CDAN1: variants seen among roughly 807,000 people sequenced by gnomAD.
The protein encoded by CDAN1 is codanin-1.
A neutral mutation model predicts 139.8 loss-of-function variants in CDAN1; 107 were observed. The observed-to-expected ratio is 0.77, with a 90% confidence interval of 0.65 to 0.90. CDAN1 has a LOEUF of 0.90. CDAN1 is among the 40% of genes least tolerant of loss of function. CDAN1 has a pLI of 0.00. For synonymous variants in CDAN1, 776 were observed against 660.6 expected, an observed-to-expected ratio of 1.17 and a Z score of -2.68; for missense variants, 1,667 against 1,575.7, an observed-to-expected ratio of 1.06 and a Z score of -0.98.
In CDAN1 at chr15:42,724,553, G is replaced by A. The variant is rs755434169; in HGVS notation, c.3622C>T (p.Pro1208Ser). Reference protein sequence around the residue: ...LFLAEPHLPEPQLRACELVQP... With the variant: ...LFLAEPHLPESQLRACELVQP... ...ACCAACTCACAGGCTCTTAGCTGGG[G>A]TTCTGGCAGGTGGGGCTCGGCTAGA... Residue 1208 changes from proline to serine, a missense_variant, in exon 28 of 28, where the codon CCC (proline) becomes TCC (serine). By Grantham distance (74) the Pro-to-Ser change is moderately conservative. Transcript: ENST00000356231. The A allele has an allele frequency of 1.2e-5, 18 of 1,558,566 alleles. No homozygotes were observed. The South Asian group carries it at 2.0e-4, about 17-fold the overall frequency.
intron 11 of CDAN1, 80 bp downstream of exon 11, chr15:42,731,540 T>C (rs1191230948): frequency 6.6e-7 from 1 of 1,507,074 alleles, no homozygotes; most frequent in Non-Finnish European, 9.2e-7. Context: ...CAAAGGAGAC[T>C]GGAGAACTAT....
chr15:42,725,785 C>A, intron 25 of CDAN1, 115 bp from the exon 26 acceptor site: 1 of 1,065,462 alleles, frequency 9.4e-7, no homozygotes, highest in Non-Finnish European at 1.4e-6. Flanking sequence ...GGGTTCGAGA[C>A]CAGTCTGGCC....
At position 42,736,496 on chromosome 15, in the gene CDAN1, C is replaced by T. The variant is rs1448409048; in HGVS notation, c.375G>A (p.Pro125=). 9.2e-6 allele frequency: 13 copies of T among 1,418,960 alleles called. No homozygotes were observed. Among genetic ancestry groups the T allele is most frequent in the African/African-American group, 9.1e-5 (6 of 66,016 alleles). 87.9% of individuals were successfully genotyped at this position (1,418,960 alleles called of 1,614,324 possible). ...GGCCTCCACGCTCGCGGGCCGGCCC[C>T]GGGCCCCGCCTCCTGCCCCCGCGGC... ...LARRGGRRRG[P]GPARERGGRG... The change falls in exon 2 of 28, where the codon CCG becomes CCA. Residue 125 remains proline (P), a synonymous_variant. Transcript: ENST00000356231.
chr15:42,731,047 C>T lies in CDAN1; in HGVS notation c.1885G>A (p.Val629Met). ...GCCAAAAGTCTCAGGCTAAGAAGCA[C>T]CACAGCAAATTGCTTCCGCTCACCC... is the stretch of plus-strand genomic sequence containing the variant. ...WQGERKQFAVVLLSLRLLAKF... is the reference protein window; with the variant it reads ...WQGERKQFAVMLLSLRLLAKF... Residue 629 changes from valine to methionine, a missense_variant, in exon 13 of 28, where the codon GTG becomes ATG. This residue lies in a region of CDAN1 where 936 missense variants were observed against 844.1 expected (regional missense o/e 1.11). Coordinates refer to ENST00000356231, the MANE Select transcript of CDAN1 (RefSeq NM_138477.4). 6.2e-7 allele frequency: 1 copy of T among 1,614,202 alleles called. No individual in the cohort carries two copies. The highest frequency in any genetic ancestry group is 8.5e-7 in the Non-Finnish European group (1 of 1,180,030).
intron 26 of CDAN1, 76 bp downstream of exon 26, chr15:42,725,413 C>T: frequency 6.4e-7 from 1 of 1,565,154 alleles, no homozygotes; most frequent in South Asian, 1.1e-5. Flanking sequence ...GGATGCAGAG[C>T]AGCTCATAGT....
At chr15:42,725,781 G>A (rs371457268) in intron 25 of CDAN1, 111 bp from the exon 26 acceptor site, 25 of 1,135,544 alleles carry the variant, frequency 2.2e-5, no homozygotes, top group East Asian at 2.0e-4. Context: ...TCAGGGGTTC[G>A]AGACCAGTCT....
intron 23 of CDAN1, chr15:42,727,207 A>T (rs183464041): frequency 6.0e-6 from 1 of 167,498 alleles, no homozygotes; most frequent in Admixed American, 6.1e-5. Flanking sequence ...AGTTAGGAGA[A>T]CTGATGGTTT....
intron 14 of CDAN1, among the ~76,000 whole-genome samples, 169 bp from the exon 15 acceptor site, chr15:42,730,384 C>T (rs978640410): frequency 1.3e-5 from 2 of 152,210 alleles, no homozygotes; most frequent in Admixed American, 6.5e-5. Flanking sequence ...TGTCTCTCAG[C>T]GGGGCCACCT....
chr15:42,729,039 A>G lies in CDAN1; in HGVS notation c.2629T>C (p.Cys877Arg), dbSNP rs1416095067. The change falls in exon 19 of 28, where the codon TGT (cysteine) becomes CGT (arginine). Residue 877 changes from cysteine (C) to arginine (R), a missense_variant. By Grantham distance (180) the Cys-to-Arg change is radical (BLOSUM62 -3). Around this residue, in one of 3 missense-constraint regions of CDAN1, gnomAD observed 936 missense variants for 844.1 expected, o/e 1.11. Transcript: ENST00000356231. The part of the protein sequence containing the change: ...EFVAERIGSN[C>R]VKHIKATLVA... The stretch of plus-strand genomic sequence containing the variant: ...CACTCTTACTTGATATGTTTGACAC[A>G]GTTTGATCCAATTCTTTCTGCCACG... The G allele has an allele frequency of 6.2e-7, 1 of 1,614,050 alleles. No homozygotes were observed. Among genetic ancestry groups the G allele is most frequent in the African/African-American group, 1.3e-5 (1 of 74,930 alleles).
chr15:42,726,107 A>G lies in CDAN1; in HGVS notation c.3258T>C (p.Ala1086=). The change falls in exon 25 of 28, where the codon GCT becomes GCC. Residue 1086 remains alanine (A), a synonymous_variant. Coordinates refer to ENST00000356231, the MANE Select transcript of CDAN1 (RefSeq NM_138477.4). ...GGAAAGCAACCATACCGAGGAGGGA[A>G]GCTAACTCCACAGAGCACTTTGCCA... ...QHLAKCSVEL[A]SLLVADQIPI... 6.2e-7 allele frequency: 1 copy of G among 1,613,966 alleles called. No homozygotes were observed. The highest frequency in any genetic ancestry group is 2.2e-5 in the East Asian group (1 of 44,876).
At chr15:42,729,704 G>A (rs945367668) in intron 16 of CDAN1, 82 bp from the exon 17 acceptor site, 38 of 1,592,592 alleles carry the variant, frequency 2.4e-5, no homozygotes, top group Non-Finnish European at 2.8e-5. Flanking sequence ...GCCTTTACAA[G>A]GGTTACATCT....
chr15:42,728,111 C>T, intron 21 of CDAN1, 78 bp from the exon 22 acceptor site: 2 of 1,583,172 alleles, frequency 1.3e-6, no homozygotes, highest in Non-Finnish European at 1.7e-6. Flanking sequence ...AGCACTGACC[C>T]CGCCCCCACA....
In CDAN1 at chr15:42,724,321, AG is replaced by A. The variant is rs1473396061; in HGVS notation, c.*169del. ...AAATCAGGCCAACTCTCCTTCCTCT[AG>A]GATTCGCGTGGTGGGATGCCAGGCA... is the stretch of plus-strand genomic sequence containing the variant. On this transcript the variant is annotated 3_prime_UTR_variant, in exon 28 of 28. Transcript: ENST00000356231. 2 of 845,904 alleles carry A rather than the reference AG, an allele frequency of 2.4e-6. No homozygotes were observed. Among genetic ancestry groups the A allele is most frequent in the African/African-American group, 3.4e-5 (2 of 59,534 alleles). 52.4% of individuals were successfully genotyped at this position (845,904 alleles called of 1,614,324 possible).
rs757613956 is a variant in CDAN1 at position 42,735,610 on chromosome 15, G to T, written c.843C>A (p.Ser281Arg). ...GTTCATCTGTGAGGCTTCCTGTCCG[G>T]CTGGGGAGGGGCGACCCCAATTCTG... is the stretch of plus-strand genomic sequence containing the variant. ...PTPELGSPLP[S>R]RTGSLTDEPA... is the part of the protein sequence containing the mutation. The change falls in exon 4 of 28, where the codon AGC becomes AGA. Residue 281 changes from serine (S) to arginine (R), a missense_variant. Transcript: ENST00000356231. 9.9e-6 allele frequency: 16 copies of T among 1,614,080 alleles called. No homozygotes were observed. Among genetic ancestry groups the T allele is most frequent in the Non-Finnish European group, 1.3e-5 (15 of 1,180,024 alleles).
At chr15:42,731,139 A>G (rs553822434) in intron 12 of CDAN1, 68 bp from the exon 13 acceptor site, 9 of 1,614,054 alleles carry the variant, frequency 5.6e-6, no homozygotes, top group East Asian at 4.5e-5. Context: ...GATCTGTTAT[A>G]AAGTTTTTCT....
Position 42,727,947 on chromosome 15 carries a change from G to A in CDAN1, c.2947+8C>T, listed in dbSNP as rs747308319. The A allele has an allele frequency of 6.2e-7, 1 of 1,613,700 alleles. No individual in the cohort carries two copies. The highest frequency in any genetic ancestry group is 2.2e-5 in the East Asian group (1 of 44,886). ...TTGATTCAGCCACTCCCCCATCCAGGACCTTACCTGTGATGTTGGCTGACA... is the reference window on the plus strand; with the variant it reads ...TTGATTCAGCCACTCCCCCATCCAGAACCTTACCTGTGATGTTGGCTGACA... On this transcript the variant is annotated splice_region_variant and intron_variant, in intron 22 of 27. Transcript: ENST00000356231.
chr15:42,730,539 C>A (rs1041554851), intron 14 of CDAN1, 59 bp downstream of exon 14: 8 of 1,590,664 alleles, frequency 5.0e-6, no homozygotes, highest in Non-Finnish European at 6.9e-6. Flanking sequence ...TAATAGCAGG[C>A]TTGACCAATG....
chr15:42,729,957 C>T, intron 15 of CDAN1, 72 bp from the exon 16 acceptor site: 2 of 1,207,980 alleles, frequency 1.7e-6, no homozygotes, highest in South Asian at 1.3e-5. Flanking sequence ...CTGCACGGTC[C>T]CAGGGTGTAG....
chr15:42,737,023 TG>T lies in CDAN1; in HGVS notation c.79del (p.Gln27ArgfsTer13). The T allele has an allele frequency of 6.5e-7, 1 of 1,539,756 alleles. No homozygotes were observed. The highest frequency in any genetic ancestry group is 2.0e-5 in the Admixed American group (1 of 50,930). The stretch of plus-strand genomic sequence containing the variant: ...TGTCACCGCTGTTACCTCCGAACCC[TG>T]GGTGCTGCGCGCGATCCACCGCACG... ...AVVRWIARST[Q>X]GSEDNAGEAA... On this transcript the variant is annotated frameshift_variant, in exon 1 of 28. Transcript: ENST00000356231. LOFTEE classifies it high-confidence loss of function.
Sources: gnomAD v4.1 joint callset for allele counts (sites outside exome capture counted in the v4.1 genomes callset) on GRCh38, gnomAD v4.1.1 for gene constraint, gnomAD v4.1.1 regional missense constraint, MANE v1.5 for transcripts, NCBI Gene and HGNC (gene_info 2026-07-23, HGNC 2026-07-21) for gene names.